The following CELF4 variants were observed in gnomAD, a reference collection of about 807,000 sequenced individuals.
CELF4 encodes CUG-BP- and ETR-3-like factor 4.
In CELF4, 18 loss-of-function variants were observed where a neutral mutation model predicts 59.9. That is an observed-to-expected ratio of 0.30 (90% CI 0.21 to 0.45). CELF4 has a LOEUF of 0.45. Ranked by LOEUF, CELF4 falls within the 20% of genes least tolerant of loss-of-function variation. The pLI, the probability that CELF4 is intolerant of heterozygous loss-of-function variation, is 1.00. For synonymous variants in CELF4, 261 were observed against 267.1 expected, an observed-to-expected ratio of 0.98 and a Z score of 0.22; for missense variants, 456 against 689.0, an observed-to-expected ratio of 0.66 and a Z score of 3.79.
chr18:37,490,157 C>A (rs886910584), intron 1 of CELF4, among the ~76,000 whole-genome samples: 1 of 152,130 alleles, frequency 6.6e-6, no homozygotes, highest in Admixed American at 6.5e-5. Flanking sequence ...AAATAATAGA[C>A]GCCATGTATA....
intron 2 of CELF4, among the ~76,000 whole-genome samples, chr18:37,441,428 A>T (rs1325338636): frequency 6.6e-6 from 1 of 152,088 alleles, no homozygotes; most frequent in Non-Finnish European, 1.5e-5. Flanking sequence ...GTATTTTCCA[A>T]TGTTAAGGCC....
intron 1 of CELF4, among the ~76,000 whole-genome samples, chr18:37,490,326 G>A (rs991542490): frequency 3.9e-5 from 6 of 151,992 alleles, no homozygotes; most frequent in African/African-American, 1.5e-4. Flanking sequence ...TGTTTTGTTT[G>A]ACACATTTAG....
chr18:37,274,585 A>G, intron 5 of CELF4, 131 bp from the exon 6 acceptor site: 1 of 1,571,164 alleles, frequency 6.4e-7, no homozygotes, highest in East Asian at 2.3e-5. Context: ...GCGCTCGCCC[A>G]GGGGAATGAG....
intron 2 of CELF4, among the ~76,000 whole-genome samples, chr18:37,408,492 C>CGGGGGGCG (rs1557416128): frequency 6.2e-5 from 7 of 112,224 alleles, no homozygotes; most frequent in Admixed American, 1.9e-4. Flanking sequence ...TGGTTGGTGC[C>CGGGGGGCG]GGGGGGGGGC....
chr18:37,480,113 G>A (rs2099862263), intron 2 of CELF4, among the ~76,000 whole-genome samples: 1 of 152,134 alleles, frequency 6.6e-6, no homozygotes, highest in Non-Finnish European at 1.5e-5. Flanking sequence ...CGTTGTTTAA[G>A]CCACCCAATT....
chr18:37,353,004 G>T (rs1380550483), intron 2 of CELF4, among the ~76,000 whole-genome samples: 4 of 152,068 alleles, frequency 2.6e-5, no homozygotes, highest in Non-Finnish European at 5.9e-5. Flanking sequence ...GGCAGATCAG[G>T]AAGTCAGGAG....
At position 37,296,165 on chromosome 18, in the gene CELF4, T is replaced by C. The variant is rs149814920; in HGVS notation, c.449-20922A>G. On this transcript the variant is annotated intron_variant, in intron 3 of 12. Coordinates refer to ENST00000420428, the MANE Select transcript of CELF4 (RefSeq NM_020180.4). ...ATCTTTTTGGCTTGTTTGTTTCATA[T>C]TTTATTTTGAGACAGGGTCTGGCCC... Among the ~76,000 whole-genome samples the C allele has an allele frequency of 4.4e-3, 670 of 152,318 alleles. 2 individuals are homozygous for C. Among genetic ancestry groups the C allele is most frequent in the South Asian group, 0.031 (148 of 4,818 alleles).
intron 2 of CELF4, among the ~76,000 whole-genome samples, chr18:37,390,369 T>C (rs1388992585): frequency 6.6e-6 from 1 of 152,182 alleles, no homozygotes; most frequent in Non-Finnish European, 1.5e-5. Flanking sequence ...GGCCATCTCT[T>C]GGCCATGCCC....
intron 2 of CELF4, among the ~76,000 whole-genome samples, chr18:37,416,587 C>T (rs2099530626): frequency 6.6e-6 from 1 of 152,216 alleles, no homozygotes; most frequent in African/African-American, 2.4e-5. Flanking sequence ...ATCCTGGGAC[C>T]ATGGCCTTGG....
At position 37,539,471 on chromosome 18, in the gene CELF4, AAAC is replaced by A. The variant is rs1569569810; in HGVS notation, c.286+25882_286+25884del. ...AAGACACACACACACACACACACAC[AAAC>A]ACACACACACACACACACGCGTGCA... On this transcript the variant is annotated intron_variant, in intron 1 of 12. Transcript: ENST00000420428. Among the ~76,000 whole-genome samples, 767 of 89,114 alleles carry A rather than the reference AAAC, an allele frequency of 8.6e-3. 3 individuals are homozygous for A. The highest frequency in any genetic ancestry group is 0.013 in the Admixed American group (105 of 7,942). 58.5% of individuals were successfully genotyped at this position (89,114 alleles called of 152,430 possible). A position where few individuals can be genotyped will look rare whatever the true frequency, so the allele number is the denominator to read the frequency against.
intron 2 of CELF4, among the ~76,000 whole-genome samples, chr18:37,483,459 G>A (rs1277548347): frequency 6.6e-6 from 1 of 152,080 alleles, no homozygotes; most frequent in African/African-American, 2.4e-5. Flanking sequence ...TGGTGTTCGA[G>A]GGGACTCTAG....
At chr18:37,454,864 G>T (rs138806281) in intron 2 of CELF4, among the ~76,000 whole-genome samples, 2 of 152,308 alleles carry the variant, frequency 1.3e-5, no homozygotes, top group East Asian at 3.9e-4. Context: ...ATGTGCTACG[G>T]CCCCTAATGA....
chr18:37,279,448 A>G lies in CELF4; in HGVS notation c.449-4205T>C, dbSNP rs147886770. On this transcript the variant is annotated intron_variant, in intron 3 of 12. Coordinates refer to ENST00000420428, the MANE Select transcript of CELF4 (RefSeq NM_020180.4). ...CTGGGAGTTGGAAAGTGAGCACAAC[A>G]AAATCCGCTGACCTGAGCTGCGGGG... Among the ~76,000 whole-genome samples the G allele has an allele frequency of 5.9e-3, 897 of 152,292 alleles. 9 individuals carry two copies. The highest frequency in any genetic ancestry group is 0.02 in the African/African-American group (846 of 41,562).
intron 2 of CELF4, among the ~76,000 whole-genome samples, chr18:37,364,073 C>T (rs1234173387): frequency 6.6e-6 from 1 of 152,238 alleles, no homozygotes; most frequent in Non-Finnish European, 1.5e-5. Context: ...GGTCTTTGTT[C>T]TATGCAATAC....
Position 37,462,449 on chromosome 18 carries a change from C to T in CELF4, c.369+23076G>A, listed in dbSNP as rs879344565. 1.6e-3 allele frequency among the ~76,000 whole-genome samples: 247 copies of T among 152,258 alleles called. 1 individual carries two copies. Among genetic ancestry groups the T allele is most frequent in the Non-Finnish European group, 1.5e-3 (99 of 68,032 alleles). On this transcript the variant is annotated intron_variant, in intron 2 of 12. Coordinates refer to ENST00000420428, the MANE Select transcript of CELF4 (RefSeq NM_020180.4). ...GTCCACAGGCCCTGCAGGCATTGTC[C>T]GATTTTTCTCCCAATCCTTCCCTGG...
intron 1 of CELF4, among the ~76,000 whole-genome samples, chr18:37,518,112 C>A (rs1294566059): frequency 6.6e-6 from 1 of 152,144 alleles, no homozygotes; most frequent in Non-Finnish European, 1.5e-5. Context: ...GTCCAGGCCA[C>A]CCAGCCTGAG....
chr18:37,485,546 G>A lies in CELF4; in HGVS notation c.348C>T (p.His116=). The change falls in exon 2 of 13, where the codon CAC becomes CAT. Residue 116 remains histidine, a synonymous_variant. Transcript: ENST00000420428. ...TTACCCCGGGCAGAGTCTTCTGCTCGTGCAGCGCGCTCTGGGCCTTCAGCG... is the reference window on the plus strand; with the variant it reads ...TTACCCCGGGCAGAGTCTTCTGCTCATGCAGCGCGCTCTGGGCCTTCAGCG... ...ESALKAQSAL[H]EQKTLPGMNR... The A allele has an allele frequency of 1.4e-6, 2 of 1,423,200 alleles. No homozygotes were observed. The highest frequency in any genetic ancestry group is 2.2e-4 in the Middle Eastern group (1 of 4,630). The allele number at this position is 1,423,200 out of a possible 1,614,324, so 88.2% of individuals were successfully genotyped here.
chr18:37,369,646 C>T (rs897342500), intron 2 of CELF4, among the ~76,000 whole-genome samples: 1 of 152,230 alleles, frequency 6.6e-6, no homozygotes, highest in Non-Finnish European at 1.5e-5. Flanking sequence ...GACTCCACCA[C>T]TCAACAGCTC....
At chr18:37,295,244 TC>T (rs1166182416) in intron 3 of CELF4, among the ~76,000 whole-genome samples, 2 of 152,208 alleles carry the variant, frequency 1.3e-5, no homozygotes, top group Non-Finnish European at 2.9e-5. Context: ...CGTCCCCTTT[TC>T]CTCTTATTGT....
Sources: allele counts gnomAD v4.1 joint callset (sites outside exome capture counted in the v4.1 genomes callset), GRCh38; gene constraint gnomAD v4.1.1; transcripts MANE v1.5; gene names NCBI Gene and HGNC (gene_info 2026-07-23, HGNC 2026-07-21).